Variants in TAX1BP1 observed in about 807,000 individuals in gnomAD.
TAX1BP1 encodes tax1-binding protein 1.
TAX1BP1 carries 62 observed loss-of-function variants against 97.7 expected under a neutral mutation model. The ratio of observed to expected loss-of-function variants is 0.63; its 90% confidence interval spans 0.52 to 0.78. TAX1BP1 has a LOEUF of 0.78. Ranked by LOEUF, TAX1BP1 falls within the 30% of genes least tolerant of loss-of-function variation. The probability of loss-of-function intolerance (pLI) is 0.00; values close to 1 mark genes in which losing one functional copy is unlikely to be tolerated. For missense variants in TAX1BP1, 867 were observed against 916.1 expected, an observed-to-expected ratio of 0.95 and a Z score of 0.69; for synonymous variants, 340 against 304.2, an observed-to-expected ratio of 1.12 and a Z score of -1.23.
chr7:27,777,941 C>T (rs148035809), intron 5 of TAX1BP1, among the ~76,000 whole-genome samples: 21 of 152,264 alleles, frequency 1.4e-4, no homozygotes, highest in African/African-American at 3.6e-4. Flanking sequence ...GTTCTTGTTA[C>T]TTTATCTTGG....
intron 2 of TAX1BP1, among the ~76,000 whole-genome samples, chr7:27,750,444 T>G (rs1787980013): frequency 6.6e-6 from 1 of 152,170 alleles, no homozygotes; most frequent in South Asian, 2.1e-4. Context: ...GTCTCAAGCA[T>G]TTCGGATAAG....
Position 27,816,441 on chromosome 7 carries a change from A to G in TAX1BP1, c.1857A>G (p.Gln619=). The G allele has an allele frequency of 6.4e-7, 1 of 1,571,394 alleles. No individual in the cohort carries two copies. Among genetic ancestry groups the G allele is most frequent in the South Asian group, 1.2e-5 (1 of 81,978 alleles). Residue 619 remains glutamine, a synonymous_variant, in exon 14 of 17, where the codon CAA becomes CAG. Coordinates refer to ENST00000396319, the MANE Select transcript of TAX1BP1 (RefSeq NM_006024.7). The stretch of plus-strand genomic sequence containing the variant: ...AATGTTTCAAAACATGCTCAGAGCA[A>G]AATGGTTATGTTCTCACATTGTCAA... ...SPQCFKTCSE[Q]NGYVLTLSNA... is the part of the protein sequence containing the mutation.
intron 1 of TAX1BP1, among the ~76,000 whole-genome samples, chr7:27,740,745 T>C (rs1311725751): frequency 6.6e-6 from 1 of 152,226 alleles, no homozygotes; most frequent in East Asian, 1.9e-4. Flanking sequence ...GGGTTTGCCT[T>C]TGCGGAGAGA....
intron 10 of TAX1BP1, among the ~76,000 whole-genome samples, chr7:27,794,059 C>T (rs1280651499): frequency 6.6e-6 from 1 of 152,098 alleles, no homozygotes; most frequent in East Asian, 1.9e-4. Context: ...TAGTAGATTT[C>T]TGTGAATGAC....
chr7:27,762,303 C>T (rs17155797), intron 3 of TAX1BP1, among the ~76,000 whole-genome samples: 15,368 of 151,932 alleles, frequency 0.1, 840 homozygotes, highest in South Asian at 0.12. Context: ...GTATTGGAAC[C>T]GGTTTTGTTA....
intron 15 of TAX1BP1, among the ~76,000 whole-genome samples, chr7:27,826,105 T>G (rs1791169163): frequency 6.6e-6 from 1 of 152,216 alleles, no homozygotes; most frequent in Non-Finnish European, 1.5e-5. Context: ...GAATTCACTG[T>G]CCTACATACT....
intron 2 of TAX1BP1, among the ~76,000 whole-genome samples, chr7:27,749,935 A>G (rs1468003844): frequency 6.6e-6 from 1 of 152,026 alleles, no homozygotes; most frequent in African/African-American, 2.4e-5. Context: ...GGGATTATAG[A>G]CACAACACCA....
intron 12 of TAX1BP1, among the ~76,000 whole-genome samples, chr7:27,797,740 G>A (rs908890989): frequency 1.1e-4 from 16 of 151,196 alleles, no homozygotes; most frequent in Middle Eastern, 3.4e-3. Context: ...CTACATTTTC[G>A]TTAAAGATGA....
chr7:27,744,208 T>C (rs1787731405), intron 1 of TAX1BP1, among the ~76,000 whole-genome samples: 1 of 152,180 alleles, frequency 6.6e-6, no homozygotes, highest in African/African-American at 2.4e-5. Context: ...CACTGCAGGC[T>C]CCGCCCCCCA....
intron 13 of TAX1BP1, among the ~76,000 whole-genome samples, chr7:27,801,677 T>C (rs189136846): frequency 2.6e-5 from 4 of 152,308 alleles, no homozygotes; most frequent in Admixed American, 2.6e-4. Flanking sequence ...CCACCCTAGG[T>C]AATCATCTAT....
chr7:27,792,307 A>G, intron 9 of TAX1BP1, 77 bp downstream of exon 9: 4 of 1,273,178 alleles, frequency 3.1e-6, no homozygotes, highest in Non-Finnish European at 4.4e-6. Flanking sequence ...AATTGTGTTA[A>G]GATAAGACAG....
At chr7:27,808,060 G>C (rs1790408845) in intron 13 of TAX1BP1, among the ~76,000 whole-genome samples, 1 of 152,002 alleles carries the variant, frequency 6.6e-6, no homozygotes, top group South Asian at 2.1e-4. Flanking sequence ...TTATTTTCCT[G>C]CCCCAGCCTG....
At chr7:27,747,970 G>A (rs912343156) in intron 1 of TAX1BP1, among the ~76,000 whole-genome samples, 1 of 152,046 alleles carries the variant, frequency 6.6e-6, no homozygotes, top group Non-Finnish European at 1.5e-5. Flanking sequence ...AGAGATGTTA[G>A]CGTCAGGTTT....
At chr7:27,825,204 G>A (rs1209064007) in intron 15 of TAX1BP1, among the ~76,000 whole-genome samples, 1 of 149,982 alleles carries the variant, frequency 6.7e-6, no homozygotes, top group Non-Finnish European at 1.5e-5. Flanking sequence ...GATATTTCAA[G>A]TTCTTGTCTT....
At chr7:27,778,205 A>G (rs778739696) in intron 5 of TAX1BP1, among the ~76,000 whole-genome samples, 1 of 152,194 alleles carries the variant, frequency 6.6e-6, no homozygotes, top group Non-Finnish European at 1.5e-5. Context: ...GTACACTGCA[A>G]TGTATGTAAA....
intron 1 of TAX1BP1, among the ~76,000 whole-genome samples, chr7:27,740,737 G>A (rs1387087089): frequency 2.6e-5 from 4 of 152,234 alleles, no homozygotes; most frequent in Non-Finnish European, 5.9e-5. Flanking sequence ...GGACGCTGGG[G>A]TTTGCCTTTG....
In TAX1BP1 at chr7:27,793,618, A is replaced by G. The variant is rs536744381; in HGVS notation, c.1410+406A>G. Among the ~76,000 whole-genome samples, 14 of 152,256 alleles carry G rather than the reference A, an allele frequency of 9.2e-5. No homozygotes were observed. In the South Asian group the frequency reaches 2.7e-3, roughly 29 times the overall value. On this transcript the variant is annotated intron_variant, in intron 10 of 16. Transcript: ENST00000396319. ...TGTAATTGGCAAGTTCTTCATACTC[A>G]TATTATGAAGATTCCTATTCCTATT...
chr7:27,822,782 A>C (rs1175275758), intron 15 of TAX1BP1, among the ~76,000 whole-genome samples: 3 of 152,198 alleles, frequency 2.0e-5, no homozygotes, highest in Non-Finnish European at 4.4e-5. Context: ...TGCAGCACAA[A>C]ACTTTTTAGT....
intron 13 of TAX1BP1, among the ~76,000 whole-genome samples, chr7:27,808,244 AC>A (rs1348530234): frequency 6.6e-6 from 1 of 152,170 alleles, no homozygotes; most frequent in African/African-American, 2.4e-5. Context: ...ATAGCAACAC[AC>A]ACAAAAAACT....
Sources: gnomAD v4.1 joint callset for allele counts (sites outside exome capture counted in the v4.1 genomes callset) on GRCh38, gnomAD v4.1.1 for gene constraint, MANE v1.5 for transcripts, NCBI Gene and HGNC (gene_info 2026-07-23, HGNC 2026-07-21) for gene names.